Variants in NUP205 observed in about 807,000 individuals in gnomAD.
NUP205 encodes the protein nucleoporin 205, also known as nuclear pore complex protein Nup205.
Under a neutral mutation model 253.8 loss-of-function variants are expected in NUP205, and 76 were observed. That is an observed-to-expected ratio of 0.30 (90% CI 0.25 to 0.36). The LOEUF is 0.36. NUP205 is among the 10% of genes least tolerant of loss of function. The pLI, the probability that NUP205 is intolerant of heterozygous loss-of-function variation, is 1.00. For missense variants in NUP205, 2,162 were observed against 2,425.5 expected (o/e 0.89, Z 2.28); for synonymous variants, 832 against 850.1 (o/e 0.98, Z 0.37).
In NUP205 at chr7:135,573,828, A is replaced by G; in HGVS notation, c.343+3A>G. On this transcript the variant is annotated splice_donor_region_variant and intron_variant, in intron 3 of 42. Coordinates refer to ENST00000285968, the MANE Select transcript of NUP205 (RefSeq NM_015135.3). ...AGCTGTTGAGCTTCTTCTTGCTGGT[A>G]GGTTGACATTTAACTGAAACAGTGG... 1 of 1,607,198 alleles carries G rather than the reference A, an allele frequency of 6.2e-7. No homozygotes were observed. Among genetic ancestry groups the G allele is most frequent in the South Asian group, 1.1e-5 (1 of 89,356 alleles).
intron 1 of NUP205, among the ~76,000 whole-genome samples, chr7:135,566,870 T>C (rs1805775891): frequency 6.6e-6 from 1 of 151,874 alleles, no homozygotes; most frequent in Non-Finnish European, 1.5e-5. Context: ...CCCGAGTAGC[T>C]GGGACTACAG....
rs545609226 is a variant in NUP205 at position 135,578,058 on chromosome 7, A to G, written c.877+34A>G. ...TTTTATACATTTTCCTACATTAAAA[A>G]AATCAGATTTAAAATTGTGGGGATA... is the stretch of plus-strand genomic sequence containing the variant. On this transcript the variant is annotated intron_variant, in intron 6 of 42. Coordinates refer to ENST00000285968, the MANE Select transcript of NUP205 (RefSeq NM_015135.3). 7.4e-6 allele frequency: 11 copies of G among 1,480,666 alleles called. No homozygotes were observed. In the South Asian group the frequency reaches 1.0e-4, roughly 14 times the overall value. The allele number at this position is 1,480,666 out of a possible 1,614,324, so 91.7% of individuals were successfully genotyped here.
chr7:135,611,021 TG>T (rs1239720384), intron 22 of NUP205, among the ~76,000 whole-genome samples: 4 of 147,222 alleles, frequency 2.7e-5, no homozygotes, highest in Non-Finnish European at 6.0e-5. Flanking sequence ...TTTTTTTGGG[TG>T]GGGGACAGAG....
chr7:135,601,768 C>T (rs1287505383), intron 17 of NUP205, among the ~76,000 whole-genome samples: 1 of 152,168 alleles, frequency 6.6e-6, no homozygotes, highest in African/African-American at 2.4e-5. Flanking sequence ...ATCATTTTAA[C>T]ATCTTTAACA....
Position 135,630,335 on chromosome 7 carries a change from A to G in NUP205, c.4933-9A>G. The G allele has an allele frequency of 1.3e-6, 2 of 1,543,912 alleles. No individual in the cohort carries two copies. The highest frequency in any genetic ancestry group is 1.7e-6 in the Non-Finnish European group (2 of 1,147,610). ...TTTTTTCTATTCCTCTTCCTTTTCA[A>G]TGGCTTAGGTATTGCAGTTTCTTAT... On this transcript the variant is annotated splice_polypyrimidine_tract_variant and intron_variant, in intron 34 of 42. Transcript: ENST00000285968.
At position 135,623,739 on chromosome 7, in the gene NUP205, T is replaced by A. The variant is rs911753925; in HGVS notation, c.4479+814T>A. Among the ~76,000 whole-genome samples the A allele has an allele frequency of 4.6e-5, 7 of 152,334 alleles. No individual in the cohort carries two copies. In the East Asian group the frequency reaches 7.7e-4, roughly 17 times the overall value. ...TTGAAGACCATAGGAAATAGGATTT[T>A]AAAAAATAAACTGGCATAACCTTTT... On this transcript the variant is annotated intron_variant, in intron 31 of 42. Coordinates refer to ENST00000285968, the MANE Select transcript of NUP205 (RefSeq NM_015135.3).
At chr7:135,613,295 T>C (rs1232385253) in intron 22 of NUP205, among the ~76,000 whole-genome samples, 1 of 151,942 alleles carries the variant, frequency 6.6e-6, no homozygotes, top group African/African-American at 2.4e-5. Flanking sequence ...GAGATCTTTA[T>C]ATATATTAGA....
intron 1 of NUP205, among the ~76,000 whole-genome samples, chr7:135,570,231 G>T (rs1419592998): frequency 1.3e-5 from 2 of 151,248 alleles, no homozygotes; most frequent in African/African-American, 4.9e-5. Flanking sequence ...AATTTTTTTT[G>T]AGATGGGGTT....
intron 2 of NUP205, among the ~76,000 whole-genome samples, chr7:135,572,744 G>T (rs1009568946): frequency 2.0e-5 from 3 of 151,642 alleles, no homozygotes; most frequent in African/African-American, 7.3e-5. Context: ...TATTAGAGAC[G>T]TGGTTTCACC....
At chr7:135,561,818 C>G (rs1173164500) in intron 1 of NUP205, among the ~76,000 whole-genome samples, 1 of 152,162 alleles carries the variant, frequency 6.6e-6, no homozygotes, top group Non-Finnish European at 1.5e-5. Flanking sequence ...TCTCATGCGT[C>G]ACTCCACTTA....
intron 10 of NUP205, 138 bp from the exon 11 acceptor site, chr7:135,591,312 A>G (rs1167466795): frequency 6.3e-6 from 4 of 638,842 alleles, no homozygotes; most frequent in Admixed American, 7.1e-5. Flanking sequence ...CATAAATAGA[A>G]TATCAGTTAA....
intron 35 of NUP205, among the ~76,000 whole-genome samples, chr7:135,632,446 G>T (rs942206158): frequency 6.6e-6 from 1 of 151,934 alleles, no homozygotes; most frequent in African/African-American, 2.4e-5. Flanking sequence ...TAACTACGAG[G>T]CTACACTACC....
chr7:135,571,206 A>G lies in NUP205; in HGVS notation c.130A>G (p.Lys44Glu). 6.8e-7 allele frequency: 1 copy of G among 1,466,248 alleles called. No individual in the cohort carries two copies. Among genetic ancestry groups the G allele is most frequent in the African/African-American group, 1.4e-5 (1 of 69,334 alleles). 90.8% of individuals were successfully genotyped at this position (1,466,248 alleles called of 1,614,324 possible). Residue 44 changes from lysine to glutamate, a missense_variant, in exon 2 of 43, where the codon AAG becomes GAG. Transcript: ENST00000285968. ...EAVHLLDKIL[K>E]KHKPDFISLF... ...TGTTCACCTTCTTGATAAGATTTTG[A>G]AGAAACACAAACCTGACTTCATCTC...
At chr7:135,648,369 C>CAATTTTA in intron 42 of NUP205, 35 bp from the exon 43 acceptor site, 1 of 1,494,378 alleles carries the variant, frequency 6.7e-7, no homozygotes, top group South Asian at 1.4e-5. Flanking sequence ...TTTGAGACAA[C>CAATTTTA]AATTTTAACA....
intron 8 of NUP205, 29 bp downstream of exon 8, chr7:135,585,036 TAGTAGA>T: frequency 2.0e-6 from 3 of 1,502,658 alleles, no homozygotes; most frequent in Non-Finnish European, 1.8e-6. Context: ...GATGAGTAAA[TAGTAGA>T]AGAATTTTAT....
intron 1 of NUP205, among the ~76,000 whole-genome samples, chr7:135,560,474 G>T (rs1393959447): frequency 6.6e-6 from 1 of 152,104 alleles, no homozygotes; most frequent in African/African-American, 2.4e-5. Flanking sequence ...GTCAGGAGCT[G>T]GTTTTTTAAA....
chr7:135,642,101 A>C (rs1794924442), intron 38 of NUP205, among the ~76,000 whole-genome samples: 1 of 151,810 alleles, frequency 6.6e-6, no homozygotes, highest in Non-Finnish European at 1.5e-5. Context: ...CTAAAAATGC[A>C]AAAAATAACT....
chr7:135,637,227 T>C (rs752810864), intron 36 of NUP205, among the ~76,000 whole-genome samples: 5 of 152,204 alleles, frequency 3.3e-5, no homozygotes, highest in African/African-American at 9.6e-5. Context: ...ATTACCACTT[T>C]AGAAATGTGA....
At chr7:135,625,815 G>A (rs1401658180) in intron 32 of NUP205, among the ~76,000 whole-genome samples, 1 of 151,988 alleles carries the variant, frequency 6.6e-6, no homozygotes, top group African/African-American at 2.4e-5. Flanking sequence ...CAAATGTTAC[G>A]ATAATAGAAG....
Sources: gnomAD v4.1 joint callset for allele counts (sites outside exome capture counted in the v4.1 genomes callset) on GRCh38, gnomAD v4.1.1 for gene constraint, MANE v1.5 for transcripts, NCBI Gene and HGNC (gene_info 2026-07-23, HGNC 2026-07-21) for gene names.